The following AGBL4 variants were observed in gnomAD, a reference collection of about 807,000 sequenced individuals.
AGBL4 encodes the protein cytosolic carboxypeptidase 6.
AGBL4 carries 58 observed loss-of-function variants against 66.4 expected under a neutral mutation model. The ratio of observed to expected loss-of-function variants is 0.87; its 90% CI spans 0.71 to 1.09. The LOEUF is 1.09. Among genes scored for constraint, AGBL4 ranks in the 50% least tolerant of loss-of-function variants. The pLI, the probability that AGBL4 is intolerant of heterozygous loss-of-function variation, is 0.00. For missense variants in AGBL4, 579 were observed against 631.0 expected, an observed-to-expected ratio of 0.92 and a Z score of 0.88; for synonymous variants, 234 against 222.9, an observed-to-expected ratio of 1.05 and a Z score of -0.44.
intron 3 of AGBL4, among the ~76,000 whole-genome samples, chr1:49,436,487 T>C (rs2148662892): frequency 6.6e-6 from 1 of 152,266 alleles, no homozygotes; most frequent in South Asian, 2.1e-4. Context: ...TAGAGGCACA[T>C]AATATTTTTC....
intron 2 of AGBL4, among the ~76,000 whole-genome samples, chr1:49,803,205 C>T (rs992785994): frequency 2.3e-4 from 35 of 151,912 alleles, no homozygotes; most frequent in African/African-American, 8.0e-4. Context: ...CAACAATGTT[C>T]ATTCATTCTC....
At chr1:48,536,882 T>C (rs1643980414) in intron 12 of AGBL4, among the ~76,000 whole-genome samples, 1 of 152,216 alleles carries the variant, frequency 6.6e-6, no homozygotes, top group Admixed American at 6.5e-5. Flanking sequence ...ATCAATGCCA[T>C]GCCCCTGAGC....
intron 3 of AGBL4, among the ~76,000 whole-genome samples, chr1:49,429,593 C>CTAA (rs1462138775): frequency 6.6e-6 from 1 of 152,104 alleles, no homozygotes; most frequent in Non-Finnish European, 1.5e-5. Context: ...TACTACCTTA[C>CTAA]TCATCTCCCT....
intron 5 of AGBL4, among the ~76,000 whole-genome samples, chr1:49,027,009 G>A (rs1571262170): frequency 6.6e-6 from 1 of 152,072 alleles, no homozygotes; most frequent in East Asian, 1.9e-4. Flanking sequence ...TCTTGTATTT[G>A]TAATGAGGGC....
intron 2 of AGBL4, among the ~76,000 whole-genome samples, chr1:49,743,309 T>C (rs1650696407): frequency 6.6e-6 from 1 of 152,160 alleles, no homozygotes; most frequent in Non-Finnish European, 1.5e-5. Flanking sequence ...AAAATGCTCA[T>C]CATCACTAGC....
chr1:49,618,738 C>A (rs1384284512), intron 3 of AGBL4, among the ~76,000 whole-genome samples: 2 of 152,146 alleles, frequency 1.3e-5, no homozygotes, highest in East Asian at 3.9e-4. Flanking sequence ...ACTGGCAAAT[C>A]AAATCCAGCA....
At chr1:49,132,874 C>A (rs1347498903) in intron 4 of AGBL4, among the ~76,000 whole-genome samples, 1 of 152,182 alleles carries the variant, frequency 6.6e-6, no homozygotes, top group Non-Finnish European at 1.5e-5. Context: ...TTTGACCCAG[C>A]AATCCCATTA....
chr1:48,769,144 A>ACAGGGACTTCCAGGTCTCTTTCT (rs1644678560), intron 6 of AGBL4, among the ~76,000 whole-genome samples: 1 of 152,216 alleles, frequency 6.6e-6, no homozygotes, highest in Non-Finnish European at 1.5e-5. Flanking sequence ...CTGGCCAGTC[A>ACAGGGACTTCCAGGTCTCTTTCT]CAGGGACTTC....
chr1:48,621,382 C>T (rs541065032), intron 9 of AGBL4, among the ~76,000 whole-genome samples: 1 of 152,230 alleles, frequency 6.6e-6, no homozygotes, highest in East Asian at 1.9e-4. Context: ...AGGCAATGGA[C>T]TCTAATGAGT....
chr1:49,991,295 G>A (rs1410117925), intron 1 of AGBL4, among the ~76,000 whole-genome samples: 2 of 151,802 alleles, frequency 1.3e-5, no homozygotes, highest in Non-Finnish European at 2.9e-5. Context: ...TCCCCTTGTA[G>A]GACATTAGTT....
intron 2 of AGBL4, among the ~76,000 whole-genome samples, chr1:49,704,497 G>A (rs1647164092): frequency 1.3e-5 from 2 of 151,922 alleles, no homozygotes; most frequent in African/African-American, 4.8e-5. Context: ...ATTATAACAT[G>A]TGTAGAAGAA....
intron 2 of AGBL4, among the ~76,000 whole-genome samples, chr1:49,779,683 T>G (rs1174754626): frequency 6.6e-6 from 1 of 152,034 alleles, no homozygotes; most frequent in Non-Finnish European, 1.5e-5. Context: ...CCCCAAAACG[T>G]AAATTAGCTG....
intron 11 of AGBL4, among the ~76,000 whole-genome samples, chr1:48,561,470 A>C (rs917797185): frequency 1.4e-4 from 22 of 152,332 alleles, no homozygotes; most frequent in African/African-American, 5.3e-4. Context: ...AAAATGTCTC[A>C]AGAGCCAATT....
chr1:49,208,973 C>T (rs984266479), intron 4 of AGBL4, among the ~76,000 whole-genome samples: 6 of 152,038 alleles, frequency 3.9e-5, no homozygotes, highest in African/African-American at 1.4e-4. Flanking sequence ...TTACCAGAAG[C>T]AGGGAGTGAG....
intron 3 of AGBL4, among the ~76,000 whole-genome samples, chr1:49,503,207 C>G (rs1043606623): frequency 5.3e-5 from 8 of 152,094 alleles, no homozygotes; most frequent in Non-Finnish European, 1.2e-4. Flanking sequence ...GGTACAAGCC[C>G]CCAGCCTTAG....
At chr1:49,538,965 A>T (rs939157132) in intron 3 of AGBL4, among the ~76,000 whole-genome samples, 1 of 152,182 alleles carries the variant, frequency 6.6e-6, no homozygotes, top group Non-Finnish European at 1.5e-5. Flanking sequence ...TTAAAGATGT[A>T]CACAAACGCA....
rs527921344 is a variant in AGBL4, at chr1:49,513,466, T to G, written c.282+183847A>C. Among the ~76,000 whole-genome samples the G allele has an allele frequency of 3.0e-4, 46 of 152,086 alleles. No homozygotes were observed. In the South Asian group the frequency reaches 6.2e-3, roughly 21 times the overall value. Reference sequence around the variant, plus strand: ...AGTGTCTGTTGTTCCCATATTTCTATTCGTGTGTGCTCAGTGTTTAGCTCT... The same window carrying G: ...AGTGTCTGTTGTTCCCATATTTCTAGTCGTGTGTGCTCAGTGTTTAGCTCT... On this transcript the variant is annotated intron_variant, in intron 3 of 13. Coordinates refer to ENST00000371839, the MANE Select transcript of AGBL4 (RefSeq NM_032785.4).
chr1:49,634,265 C>T (rs1645628520), intron 3 of AGBL4, among the ~76,000 whole-genome samples: 1 of 152,092 alleles, frequency 6.6e-6, no homozygotes, highest in Admixed American at 6.6e-5. Context: ...TCCCTGTGTC[C>T]ATGTGTTCTC....
At chr1:49,742,258 C>T (rs1197513621) in intron 2 of AGBL4, among the ~76,000 whole-genome samples, 1 of 150,042 alleles carries the variant, frequency 6.7e-6, no homozygotes, top group Non-Finnish European at 1.5e-5. Context: ...ACACCAATAA[C>T]AGACAAACAG....
Sources: gnomAD v4.1 joint callset for allele counts (sites outside exome capture counted in the v4.1 genomes callset) on GRCh38, gnomAD v4.1.1 for gene constraint, MANE v1.5 for transcripts, NCBI Gene and HGNC (gene_info 2026-07-23, HGNC 2026-07-21) for gene names.